The following DNMT1 variants were observed in gnomAD, a reference collection of about 807,000 sequenced individuals.
DNMT1 encodes DNA (cytosine-5)-methyltransferase 1.
DNMT1 carries 24 observed loss-of-function variants against 205.3 expected under a neutral mutation model. That is an observed-to-expected ratio of 0.12 (90% confidence interval 0.08 to 0.16). The LOEUF (loss-of-function observed/expected upper bound fraction) is 0.16. Among genes scored for constraint, DNMT1 ranks in the 10% least tolerant of loss-of-function variants. The pLI is 1.00. For synonymous variants in DNMT1, 817 were observed against 839.8 expected (o/e 0.97, Z 0.47); for missense variants, 1,293 against 2,177.7 (o/e 0.59, Z 8.09).
intron 33 of DNMT1, 112 bp downstream of exon 33, chr19:10,139,934 G>A (rs1172459801): frequency 1.3e-6 from 2 of 1,588,094 alleles, no homozygotes; most frequent in African/African-American, 2.7e-5. Context: ...TGAGAGCTGA[G>A]CTGTGAGCTT....
chr19:10,188,934 G>A (rs2039246940), intron 1 of DNMT1, among the ~76,000 whole-genome samples: 1 of 152,094 alleles, frequency 6.6e-6, no homozygotes, highest in Non-Finnish European at 1.5e-5. Context: ...CCCAAAATAG[G>A]AAACAGATTC....
chr19:10,158,069 T>A (rs1404015796), intron 17 of DNMT1, among the ~76,000 whole-genome samples: 1 of 152,160 alleles, frequency 6.6e-6, no homozygotes, highest in Non-Finnish European at 1.5e-5. Flanking sequence ...CAGGCCACCA[T>A]CCACCCTCCA....
chr19:10,160,037 T>C lies in DNMT1; in HGVS notation c.1070A>G (p.Lys357Arg), dbSNP rs750700551. The C allele has an allele frequency of 6.2e-7, 1 of 1,612,180 alleles. No individual in the cohort carries two copies. Among genetic ancestry groups the C allele is most frequent in the East Asian group, 2.2e-5 (1 of 44,784 alleles). The change falls in exon 15 of 41, where the codon AAA (lysine) becomes AGA (arginine). Residue 357 changes from lysine (K) to arginine (R), a missense_variant. Lys to Arg is a conservative substitution (Grantham distance 26, BLOSUM62 2). Around this residue, in one of 13 missense-constraint regions of DNMT1, gnomAD observed 394 missense variants for 451.6 expected, o/e 0.87. Transcript: ENST00000359526. ...EPTEKKMARA[K>R]TVMNSKTHPP... The stretch of plus-strand genomic sequence containing the variant: ...GTTTACCTTGGAGTTCATGACTGTT[T>C]TGGCGCGAGCCATTTTTTTCTCCGT...
At position 10,138,255 on chromosome 19, in the gene DNMT1, C is replaced by A. The variant is rs1453160310; in HGVS notation, c.4115+184G>T. Among the ~76,000 whole-genome samples the A allele has an allele frequency of 6.6e-6, 1 of 152,248 alleles. No homozygotes were observed. Among genetic ancestry groups the A allele is most frequent in the Non-Finnish European group, 1.5e-5 (1 of 68,036 alleles). ...CTGCACATGCTATCTACTAGGGAAGCAGATGATGCAGGGTCAGAACTGGAG... is the reference window on the plus strand; with the variant it reads ...CTGCACATGCTATCTACTAGGGAAGAAGATGATGCAGGGTCAGAACTGGAG... On this transcript the variant is annotated intron_variant, in intron 35 of 40. Transcript: ENST00000359526. The surrounding 1 kb of genome is among the most constrained non-coding windows in gnomAD (Gnocchi z 4.1).
Position 10,171,821 on chromosome 19 carries a change from A to C in DNMT1, c.768+1269T>G, listed in dbSNP as rs181864608. Among the ~76,000 whole-genome samples, 60 of 149,780 alleles carry C rather than the reference A, an allele frequency of 4.0e-4. 1 individual carries two copies. The East Asian group carries it at 9.1e-3, about 23-fold the overall frequency. On this transcript the variant is annotated intron_variant, in intron 9 of 40. Transcript: ENST00000359526. ...CTCCGTCTCAAATAAATAAATAAAT[A>C]AATAAATAAATAAATAAATAAATAA...
At chr19:10,142,897 G>A (rs11880388) in intron 29 of DNMT1, 76,545 of 157,454 alleles carry the variant, frequency 0.49, 18,845 homozygotes, top group Admixed American at 0.51. Context: ...AGCCTCTCGA[G>A]TGTGTTTCTC....
intron 1 of DNMT1, among the ~76,000 whole-genome samples, chr19:10,194,033 C>T (rs1264703058): frequency 1.3e-5 from 2 of 152,198 alleles, no homozygotes; most frequent in Non-Finnish European, 2.9e-5. Context: ...CATGAACACA[C>T]ACAAACACAC....
chr19:10,133,837 G>A lies in DNMT1; in HGVS notation c.4865-136C>T. The A allele has an allele frequency of 1.0e-6, 1 of 983,774 alleles. No homozygotes were observed. The highest frequency in any genetic ancestry group is 2.0e-5 in the Admixed American group (1 of 50,224). The allele number at this position is 983,774 out of a possible 1,614,324, so 60.9% of individuals were successfully genotyped here. ...AACAGCTGACCCAATAAGTGGCAGAGTGCTAAGGGAACGTTCACGGAGACT... is the reference window on the plus strand; with the variant it reads ...AACAGCTGACCCAATAAGTGGCAGAATGCTAAGGGAACGTTCACGGAGACT... On this transcript the variant is annotated intron_variant, in intron 40 of 40. Coordinates refer to ENST00000359526, the MANE Select transcript of DNMT1 (RefSeq NM_001130823.3). This position sits in a 1 kb window ranked among gnomAD's most constrained non-coding sequence, Gnocchi z 4.1.
intron 1 of DNMT1, among the ~76,000 whole-genome samples, chr19:10,191,049 G>C (rs1221489402): frequency 6.6e-6 from 1 of 151,838 alleles, no homozygotes; most frequent in East Asian, 1.9e-4. Context: ...GGAGGTGGAG[G>C]TTGCAGTGAG....
intron 1 of DNMT1, among the ~76,000 whole-genome samples, chr19:10,193,705 G>T (rs979887440): frequency 6.6e-6 from 1 of 151,026 alleles, no homozygotes; most frequent in African/African-American, 2.4e-5. Context: ...AGCGGGGGTT[G>T]AACCAAATAT....
intron 1 of DNMT1, 87 bp downstream of exon 1, chr19:10,194,733 G>T: frequency 6.8e-7 from 1 of 1,479,652 alleles, no homozygotes; most frequent in Non-Finnish European, 9.0e-7. Context: ...TGTCAGCAGC[G>T]GCCACCGGCC....
chr19:10,193,332 A>G (rs372739257), intron 1 of DNMT1, among the ~76,000 whole-genome samples: 65 of 152,232 alleles, frequency 4.3e-4, no homozygotes, highest in East Asian at 1.4e-3. Flanking sequence ...CAGCCTGGAC[A>G]ACAGAGTGAG....
chr19:10,177,397 A>C (rs987379621), intron 5 of DNMT1, 30 bp from the exon 6 acceptor site: 2 of 1,475,462 alleles, frequency 1.4e-6, no homozygotes, highest in African/African-American at 1.4e-5. Flanking sequence ...CATTAAAAAG[A>C]AAAAAAAAAG....
intron 19 of DNMT1, among the ~76,000 whole-genome samples, chr19:10,155,589 C>CT (rs1263755325): frequency 2.0e-5 from 3 of 152,092 alleles, no homozygotes; most frequent in Non-Finnish European, 4.4e-5. Flanking sequence ...ATGATCCCCC[C>CT]AACTCGGCCT....
Position 10,135,908 on chromosome 19 carries a change from C to T in DNMT1, c.4657-56G>A, listed in dbSNP as rs550546195. On this transcript the variant is annotated intron_variant, in intron 38 of 40. Transcript: ENST00000359526. The stretch of plus-strand genomic sequence containing the variant: ...AGTAGCACCCAGGCCGGGTCACCGT[C>T]GGGGACAGGGAGGGAAATGGCACTG... 1.5e-5 allele frequency: 23 copies of T among 1,527,730 alleles called. No individual in the cohort carries two copies. In the African/African-American group the frequency reaches 1.5e-4, roughly 10 times the overall value. The allele number at this position is 1,527,730 out of a possible 1,614,324, so 94.6% of individuals were successfully genotyped here. A position where few individuals can be genotyped will look rare whatever the true frequency, so the allele number is the denominator to read the frequency against.
intron 12 of DNMT1, 31 bp from the exon 13 acceptor site, chr19:10,162,779 C>T: frequency 6.2e-7 from 1 of 1,611,682 alleles, no homozygotes; most frequent in Non-Finnish European, 8.5e-7. Context: ...CAGCAAGTAG[C>T]AGCTTAGAAA....
At chr19:10,150,643 G>A (rs1413152905) in intron 24 of DNMT1, among the ~76,000 whole-genome samples, 1 of 152,196 alleles carries the variant, frequency 6.6e-6, no homozygotes, top group Admixed American at 6.5e-5. Flanking sequence ...CGTCAGAGAA[G>A]CAACACAGAG....
At chr19:10,160,264 C>G in intron 14 of DNMT1, 120 bp downstream of exon 14, 2 of 1,547,796 alleles carry the variant, frequency 1.3e-6, no homozygotes, top group Non-Finnish European at 1.8e-6. Flanking sequence ...TGTTCACCAA[C>G]CCGATCCAAA....
intron 39 of DNMT1, among the ~76,000 whole-genome samples, chr19:10,134,843 G>GT (rs2089442851): frequency 6.8e-6 from 1 of 147,342 alleles, no homozygotes; most frequent in African/African-American, 2.5e-5. Flanking sequence ...AGGGGACAGA[G>GT]TGAGACCCTG....
Sources: gnomAD v4.1 joint callset for allele counts (sites outside exome capture counted in the v4.1 genomes callset) on GRCh38, gnomAD v4.1.1 for gene constraint, gnomAD v4.1.1 regional missense constraint, Gnocchi (gnomAD v3.1) non-coding constraint, MANE v1.5 for transcripts, NCBI Gene and HGNC (gene_info 2026-07-23, HGNC 2026-07-21) for gene names.